GPC5: variants seen among roughly 807,000 people sequenced by gnomAD.
GPC5 encodes glypican-5.
In GPC5, 47 loss-of-function variants were observed where a neutral mutation model predicts 53.9. The observed-to-expected ratio is 0.87, with a 90% CI of 0.69 to 1.11. The LOEUF is 1.11. Ranked by LOEUF, GPC5 falls within the 50% of genes most tolerant of loss-of-function variation. GPC5 has a pLI of 0.00. For missense variants in GPC5, 748 were observed against 713.1 expected, an observed-to-expected ratio of 1.05 and a Z score of -0.56; for synonymous variants, 286 against 263.3, an observed-to-expected ratio of 1.09 and a Z score of -0.84.
chr13:92,644,878 TA>T (rs35092225), intron 7 of GPC5, among the ~76,000 whole-genome samples: 55 of 148,958 alleles, frequency 3.7e-4, no homozygotes, highest in African/African-American at 9.6e-4. Flanking sequence ...ACAGATACTG[TA>T]AAAAAAAAAT....
rs189924551 is a variant in GPC5 at position 91,761,467 on chromosome 13, C to T, written c.1280+5047C>T. ...AGATCCCACAGGCTGGGAGCTCAGTCCCCAAGACTGCCCTGCCTTTCTGAG... is the reference window on the plus strand; with the variant it reads ...AGATCCCACAGGCTGGGAGCTCAGTTCCCAAGACTGCCCTGCCTTTCTGAG... On this transcript the variant is annotated intron_variant, in intron 5 of 7. Transcript: ENST00000377067. Among the ~76,000 whole-genome samples the T allele has an allele frequency of 1.1e-3, 170 of 152,228 alleles. 2 individuals are homozygous for T. The highest frequency in any genetic ancestry group is 4.0e-3 in the African/African-American group (165 of 41,534).
intron 7 of GPC5, among the ~76,000 whole-genome samples, chr13:92,377,849 A>G (rs1396688446): frequency 6.6e-6 from 1 of 152,238 alleles, no homozygotes; most frequent in Non-Finnish European, 1.5e-5. Context: ...ATGTGAATAT[A>G]CGCATATATT....
chr13:92,001,195 T>C (rs954883568), intron 6 of GPC5, among the ~76,000 whole-genome samples: 5 of 152,216 alleles, frequency 3.3e-5, no homozygotes, highest in Non-Finnish European at 7.3e-5. Context: ...GTTATAGTTA[T>C]CCCCAGTGAA....
At chr13:91,976,065 G>A (rs1274359903) in intron 6 of GPC5, among the ~76,000 whole-genome samples, 1 of 151,940 alleles carries the variant, frequency 6.6e-6, no homozygotes, top group African/African-American at 2.4e-5. Context: ...GCTAGGAATT[G>A]AACAATGAGA....
intron 6 of GPC5, among the ~76,000 whole-genome samples, chr13:92,047,968 G>T (rs552157458): frequency 6.6e-6 from 1 of 151,920 alleles, no homozygotes; most frequent in East Asian, 1.9e-4. Context: ...TCCAGCCTAG[G>T]CAACAGAGCA....
At chr13:92,541,005 A>G (rs866747782) in intron 7 of GPC5, among the ~76,000 whole-genome samples, 2 of 151,898 alleles carry the variant, frequency 1.3e-5, no homozygotes, top group Non-Finnish European at 2.9e-5. Flanking sequence ...ATAGATTCCC[A>G]TATTGGATAT....
At chr13:92,516,964 C>T (rs548942340) in intron 7 of GPC5, among the ~76,000 whole-genome samples, 3 of 152,072 alleles carry the variant, frequency 2.0e-5, no homozygotes, top group African/African-American at 2.4e-5. Flanking sequence ...CCTGGAAAAT[C>T]GGGTCACTCC....
chr13:92,682,221 AG>A (rs1443164541), intron 7 of GPC5, among the ~76,000 whole-genome samples: 6 of 152,208 alleles, frequency 3.9e-5, no homozygotes, highest in African/African-American at 1.4e-4. Flanking sequence ...GTTAGCAAAA[AG>A]CTTCATCCCT....
At chr13:92,814,352 A>G (rs1186464384) in intron 7 of GPC5, among the ~76,000 whole-genome samples, 2 of 151,804 alleles carry the variant, frequency 1.3e-5, no homozygotes, top group Non-Finnish European at 2.9e-5. Context: ...ACCAAAACAG[A>G]CAAAAAAATT....
At chr13:91,880,972 G>A (rs2039257878) in intron 5 of GPC5, among the ~76,000 whole-genome samples, 1 of 152,212 alleles carries the variant, frequency 6.6e-6, no homozygotes, top group Admixed American at 6.5e-5. Context: ...TGTGTTTTTA[G>A]TAGAGATGGG....
intron 7 of GPC5, among the ~76,000 whole-genome samples, chr13:92,614,199 A>G (rs1884603367): frequency 6.6e-6 from 1 of 152,166 alleles, no homozygotes; most frequent in African/African-American, 2.4e-5. Flanking sequence ...ATTAAAAATA[A>G]TTGAATGTAA....
At position 91,693,718 on chromosome 13, in the gene GPC5, C is replaced by T. The variant is rs367826083; in HGVS notation, c.857C>T (p.Ala286Val). The change falls in exon 3 of 8, where the codon GCG becomes GTG. Residue 286 changes from alanine to valine, a missense_variant. Physicochemically the swap from Ala to Val is moderately conservative, Grantham distance 64. Coordinates refer to ENST00000377067, the MANE Select transcript of GPC5 (RefSeq NM_004466.6). ...NVMRGCLAHM[A>V]ELNPHWHAYI... ...ATGCGAGGCTGCCTGGCGCACATGGCGGAGCTTAATCCACACTGGCATGCA... is the reference window on the plus strand; with the variant it reads ...ATGCGAGGCTGCCTGGCGCACATGGTGGAGCTTAATCCACACTGGCATGCA... 11 of 1,614,020 alleles carry T rather than the reference C, an allele frequency of 6.8e-6. No individual in the cohort carries two copies. The highest frequency in any genetic ancestry group is 6.7e-5 in the African/African-American group (5 of 74,922).
At chr13:92,348,027 A>C (rs1420269897) in intron 7 of GPC5, among the ~76,000 whole-genome samples, 1 of 109,324 alleles carries the variant, frequency 9.1e-6, no homozygotes, top group East Asian at 2.4e-4. Context: ...AAAAAAAAAA[A>C]AATCAATACA....
intron 7 of GPC5, among the ~76,000 whole-genome samples, chr13:92,389,609 T>G (rs1050457132): frequency 5.3e-5 from 8 of 152,058 alleles, no homozygotes; most frequent in Admixed American, 5.2e-4. Flanking sequence ...GAAAGCTTGG[T>G]GAGGGGGTGT....
chr13:92,610,121 A>G (rs1884388259), intron 7 of GPC5, among the ~76,000 whole-genome samples: 1 of 151,932 alleles, frequency 6.6e-6, no homozygotes, highest in East Asian at 1.9e-4. Context: ...AGATTTTTTA[A>G]AAAGAGAGAT....
intron 7 of GPC5, among the ~76,000 whole-genome samples, chr13:92,175,087 A>T (rs959692130): frequency 1.3e-5 from 2 of 152,204 alleles, no homozygotes; most frequent in East Asian, 3.8e-4. Flanking sequence ...TCCCGACCTC[A>T]GGTGATCAAC....
intron 6 of GPC5, among the ~76,000 whole-genome samples, chr13:91,927,451 TAAC>T (rs2039779869): frequency 6.6e-6 from 1 of 152,126 alleles, no homozygotes; most frequent in South Asian, 2.1e-4. Context: ...TAACATTTAA[TAAC>T]AATATATACT....
At chr13:91,668,908 T>A (rs912642102) in intron 2 of GPC5, among the ~76,000 whole-genome samples, 1 of 152,174 alleles carries the variant, frequency 6.6e-6, no homozygotes, top group African/African-American at 2.4e-5. Context: ...ATTCAACCAA[T>A]CCATTTTTAT....
At chr13:92,713,312 G>A (rs955885237) in intron 7 of GPC5, among the ~76,000 whole-genome samples, 1 of 151,936 alleles carries the variant, frequency 6.6e-6, no homozygotes, top group Non-Finnish European at 1.5e-5. Context: ...GTTCAATCTG[G>A]CCGGGTGTGG....
Sources: allele counts gnomAD v4.1 joint callset (sites outside exome capture counted in the v4.1 genomes callset), GRCh38; gene constraint gnomAD v4.1.1; transcripts MANE v1.5; gene names NCBI Gene and HGNC (gene_info 2026-07-23, HGNC 2026-07-21).